Variants in CLDN20 observed in about 807,000 individuals in gnomAD.
The protein encoded by CLDN20 is claudin-20.
For synonymous variants in CLDN20, 104 were observed against 103.6 expected (o/e 1.00, Z -0.03); for missense variants, 258 against 267.9 (o/e 0.96, Z 0.26).
At chr6:155,271,678 C>A (rs770788273) in intron 1 of CLDN20, among the ~76,000 whole-genome samples, 1 of 152,124 alleles carries the variant, frequency 6.6e-6, no homozygotes, top group Non-Finnish European at 1.5e-5. Context: ...TTGCAAGGCA[C>A]GACATTGTTA....
rs776821487 is a variant in CLDN20, at chr6:155,275,769, G to A, written c.50G>A (p.Gly17Glu). 3.7e-6 allele frequency: 6 copies of A among 1,613,924 alleles called. No homozygotes were observed. The African/African-American group carries it at 6.7e-5, about 18-fold the overall frequency. ...CTTGCTTTCATCCTGGCCTTATCTGGGGTCTCTGGAGTGCTCACAGCCACT... is the reference window on the plus strand; with the variant it reads ...CTTGCTTTCATCCTGGCCTTATCTGAGGTCTCTGGAGTGCTCACAGCCACT... ...QLLAFILALS[G>E]VSGVLTATLL... Residue 17 changes from glycine (G) to glutamate (E), a missense_variant, in exon 2 of 2, where the codon GGG becomes GAG. Physicochemically the swap from Gly to Glu is moderately conservative, Grantham distance 98. Transcript: ENST00000367165.
intron 1 of CLDN20, among the ~76,000 whole-genome samples, chr6:155,268,502 T>C (rs1046199018): frequency 9.2e-5 from 14 of 152,322 alleles, no homozygotes; most frequent in African/African-American, 3.1e-4. Flanking sequence ...ATTTCCAAAA[T>C]ACTCAGTTAA....
intron 1 of CLDN20, among the ~76,000 whole-genome samples, chr6:155,272,419 A>G (rs948063995): frequency 1.3e-5 from 2 of 151,990 alleles, no homozygotes; most frequent in African/African-American, 4.8e-5. Flanking sequence ...TTCTGTGTGC[A>G]CTGTGTTTTG....
intron 1 of CLDN20, among the ~76,000 whole-genome samples, chr6:155,274,265 G>T (rs1158549241): frequency 2.0e-5 from 3 of 152,186 alleles, no homozygotes; most frequent in Non-Finnish European, 4.4e-5. Context: ...CAGTATTTCA[G>T]AAACCATTAC....
At chr6:155,267,297 G>A (rs1483694866) in intron 1 of CLDN20, among the ~76,000 whole-genome samples, 1 of 152,232 alleles carries the variant, frequency 6.6e-6, no homozygotes, top group Non-Finnish European at 1.5e-5. Context: ...GCTTCTTGAT[G>A]AAAGGGTCAG....
chr6:155,264,125 G>C lies in CLDN20; in HGVS notation c.-268G>C, dbSNP rs1275357174. On this transcript the variant is annotated 5_prime_UTR_variant, in exon 1 of 2. Coordinates refer to ENST00000367165, the MANE Select transcript of CLDN20 (RefSeq NM_001001346.3). ...ATGGAACGCAGGAGGACAGGGGCTT[G>C]GGAGAGCCACTTCACTGTCGGGTAA... 6.6e-6 allele frequency: 1 copy of C among 152,184 alleles called. No individual in the cohort carries two copies. 9.4% of individuals were successfully genotyped at this position (152,184 alleles called of 1,614,324 possible). A position where few individuals can be genotyped will look rare whatever the true frequency, so the allele number is the denominator to read the frequency against.
At position 155,276,072 on chromosome 6, in the gene CLDN20, C is replaced by T. The variant is rs760882647; in HGVS notation, c.353C>T (p.Ser118Phe). Residue 118 changes from serine (S) to phenylalanine (F), a missense_variant, in exon 2 of 2, where the codon TCC becomes TTC. Coordinates refer to ENST00000367165, the MANE Select transcript of CLDN20 (RefSeq NM_001001346.3). The stretch of plus-strand genomic sequence containing the variant: ...GACAGAGAAACCAAGAGCCATGCTT[C>T]CTTTGCTGGAGGAGTCTGTTTCATG... ...GGDRETKSHA[S>F]FAGGVCFMSA... 3.7e-6 allele frequency: 6 copies of T among 1,614,160 alleles called. No individual in the cohort carries two copies. The highest frequency in any genetic ancestry group is 5.1e-6 in the Non-Finnish European group (6 of 1,180,030).
chr6:155,276,205 A>G lies in CLDN20; in HGVS notation c.486A>G (p.Gly162=). Residue 162 remains glycine, a synonymous_variant, in exon 2 of 2, where the codon GGA becomes GGG. Transcript: ENST00000367165. ...AAAGCAACAAACATGAACCTGGAGG[A>G]GCTATCTATATCGGATTCATTTCTG... ...VPESNKHEPG[G]AIYIGFISAM... is the part of the protein sequence containing the mutation. The G allele has an allele frequency of 6.2e-7, 1 of 1,614,100 alleles. No individual in the cohort carries two copies. Among genetic ancestry groups the G allele is most frequent in the Non-Finnish European group, 8.5e-7 (1 of 1,179,998 alleles).
At chr6:155,269,870 A>G (rs1020487840) in intron 1 of CLDN20, among the ~76,000 whole-genome samples, 1 of 152,258 alleles carries the variant, frequency 6.6e-6, no homozygotes, top group Non-Finnish European at 1.5e-5. Flanking sequence ...CAGTTTCTGA[A>G]TTCATTCATT....
At chr6:155,266,606 G>T (rs984068237) in intron 1 of CLDN20, among the ~76,000 whole-genome samples, 2 of 152,114 alleles carry the variant, frequency 1.3e-5, no homozygotes, top group African/African-American at 4.8e-5. Context: ...CAGCACTTTG[G>T]AAGGCCAAAG....
Position 155,275,761 on chromosome 6 carries a change from C to T in CLDN20, c.42C>T (p.Ala14=). 1.2e-6 allele frequency: 2 copies of T among 1,614,144 alleles called. No homozygotes were observed. The highest frequency in any genetic ancestry group is 1.7e-6 in the Non-Finnish European group (2 of 1,180,010). The change falls in exon 2 of 2, where the codon GCC becomes GCT. Residue 14 remains alanine, a synonymous_variant. Coordinates refer to ENST00000367165, the MANE Select transcript of CLDN20 (RefSeq NM_001001346.3). ...AGLQLLAFIL[A]LSGVSGVLTA... ...TCCAGCTCCTTGCTTTCATCCTGGC[C>T]TTATCTGGGGTCTCTGGAGTGCTCA...
intron 1 of CLDN20, among the ~76,000 whole-genome samples, chr6:155,270,785 G>A (rs1337621651): frequency 6.6e-6 from 1 of 152,164 alleles, no homozygotes; most frequent in African/African-American, 2.4e-5. Flanking sequence ...AAGCCAGGAC[G>A]CTGGAGGGCC....
intron 1 of CLDN20, among the ~76,000 whole-genome samples, chr6:155,265,671 G>C (rs571747846): frequency 1.4e-5 from 2 of 144,106 alleles, no homozygotes; most frequent in Admixed American, 7.0e-5. Context: ...AGAACTAATG[G>C]AATATATATA....
intron 1 of CLDN20, among the ~76,000 whole-genome samples, chr6:155,268,810 G>T (rs928681501): frequency 8.0e-5 from 12 of 150,722 alleles, no homozygotes; most frequent in African/African-American, 2.9e-4. Flanking sequence ...CACAAACACT[G>T]CGGAAGGCCG....
intron 1 of CLDN20, among the ~76,000 whole-genome samples, chr6:155,267,063 C>T (rs1248192847): frequency 4.0e-5 from 6 of 150,878 alleles, no homozygotes; most frequent in Non-Finnish European, 5.9e-5. Context: ...CAACCTCCAC[C>T]TCCTGGGTTC....
chr6:155,274,237 CAAAG>C (rs1785067304), intron 1 of CLDN20, among the ~76,000 whole-genome samples: 1 of 152,100 alleles, frequency 6.6e-6, no homozygotes. Flanking sequence ...CTCAGAATGA[CAAAG>C]AAAGTCAGTA....
rs9478635 is a variant in CLDN20, at chr6:155,268,985, T to A, written c.-105+4697T>A. Among the ~76,000 whole-genome samples, 66 of 71,314 alleles carry A rather than the reference T, an allele frequency of 9.3e-4. No individual in the cohort carries two copies. The East Asian group carries it at 0.015, about 17-fold the overall frequency. 46.8% of individuals were successfully genotyped at this position (71,314 alleles called of 152,430 possible). A position where few individuals can be genotyped will look rare whatever the true frequency, so the allele number is the denominator to read the frequency against. On this transcript the variant is annotated intron_variant, in intron 1 of 1. Coordinates refer to ENST00000367165, the MANE Select transcript of CLDN20 (RefSeq NM_001001346.3). Reference sequence around the variant, plus strand: ...AGAAAAAAGAAAAAAAATTAAAAAATTAAAAAAAAAAAAAAGATAAATGAA... The same window carrying A: ...AGAAAAAAGAAAAAAAATTAAAAAAATAAAAAAAAAAAAAAGATAAATGAA...
chr6:155,276,101 G>T lies in CLDN20; in HGVS notation c.382G>T (p.Ala128Ser), dbSNP rs1361230191. The part of the protein sequence containing the change: ...SFAGGVCFMS[A>S]GISSLISTVW... The stretch of plus-strand genomic sequence containing the variant: ...TGCTGGAGGAGTCTGTTTCATGTCT[G>T]CAGGAATCTCTAGTTTAATCTCGAC... Residue 128 changes from alanine (A) to serine (S), a missense_variant, in exon 2 of 2, where the codon GCA becomes TCA. Ala to Ser is a moderately conservative substitution (Grantham distance 99). Transcript: ENST00000367165. 6.2e-7 allele frequency: 1 copy of T among 1,614,150 alleles called. No individual in the cohort carries two copies. Among genetic ancestry groups the T allele is most frequent in the South Asian group, 1.1e-5 (1 of 91,078 alleles).
chr6:155,268,692 G>A lies in CLDN20; in HGVS notation c.-105+4404G>A, dbSNP rs960826400. Among the ~76,000 whole-genome samples the A allele has an allele frequency of 2.0e-5, 3 of 152,012 alleles. No individual in the cohort carries two copies. In the South Asian group the frequency reaches 6.3e-4, roughly 32 times the overall value. On this transcript the variant is annotated intron_variant, in intron 1 of 1. Transcript: ENST00000367165. ...TGAAACATGTGCTGTGTCCACTCAG[G>A]GTTAAGTGGATTAAGGGCGGTGCAA...
Sources: allele counts gnomAD v4.1 joint callset (sites outside exome capture counted in the v4.1 genomes callset), GRCh38; gene constraint gnomAD v4.1.1; transcripts MANE v1.5; gene names NCBI Gene and HGNC (gene_info 2026-07-23, HGNC 2026-07-21).